Variants in GK5 observed in about 807,000 individuals in gnomAD.
The protein encoded by GK5 is glycerol kinase 5, also known as ATP:glycerol 3-phosphotransferase 5.
GK5 carries 39 observed loss-of-function variants against 77.3 expected under a neutral mutation model. That is an observed-to-expected ratio of 0.50 (90% confidence interval 0.39 to 0.66). The LOEUF is 0.66. GK5 is among the 30% of genes least tolerant of loss of function. The pLI is 0.00. For synonymous variants in GK5, 211 were observed against 208.0 expected (o/e 1.01, Z -0.13); for missense variants, 487 against 633.8 (o/e 0.77, Z 2.49).
intron 3 of GK5, among the ~76,000 whole-genome samples, chr3:142,213,178 C>G (rs2064219954): frequency 6.6e-6 from 1 of 152,132 alleles, no homozygotes; most frequent in Non-Finnish European, 1.5e-5. Flanking sequence ...AAATATAAAC[C>G]ATAGTACAGT....
In GK5 at chr3:142,158,964, C is replaced by T. The variant is rs776527240; in HGVS notation, c.*6658G>A. ...GTAAATATGTTCAAAATGCTATACA[C>T]ATTTTGCCTGGAAAGATTTAAAAAA... On this transcript the variant is annotated 3_prime_UTR_variant, in exon 16 of 16. Transcript: ENST00000392993. The T allele has an allele frequency of 6.6e-6, 1 of 152,172 alleles. No homozygotes were observed. Among genetic ancestry groups the T allele is most frequent in the Non-Finnish European group, 1.5e-5 (1 of 68,026 alleles). 9.4% of individuals were successfully genotyped at this position (152,172 alleles called of 1,614,324 possible).
At chr3:142,166,508 GATC>G (rs1176394891) in intron 15 of GK5, among the ~76,000 whole-genome samples, 1 of 151,960 alleles carries the variant, frequency 6.6e-6, no homozygotes, top group East Asian at 1.9e-4. Context: ...TTGAAGGAAG[GATC>G]ATATGATATA....
At chr3:142,216,524 C>G (rs1165418135) in intron 1 of GK5, among the ~76,000 whole-genome samples, 1 of 152,070 alleles carries the variant, frequency 6.6e-6, no homozygotes, top group Non-Finnish European at 1.5e-5. Context: ...AGGGTGTGGT[C>G]AACCCCTATG....
At position 142,225,535 on chromosome 3, in the gene GK5, C is replaced by A. The variant is rs1560244592; in HGVS notation, c.-80G>T. 8.0e-6 allele frequency: 12 copies of A among 1,494,358 alleles called. No individual in the cohort carries two copies. The highest frequency in any genetic ancestry group is 1.2e-5 in the South Asian group (1 of 81,198). 92.6% of individuals were successfully genotyped at this position (1,494,358 alleles called of 1,614,324 possible). The stretch of plus-strand genomic sequence containing the variant: ...ATCCCAATGCTCCAGAGTCCCCGGG[C>A]GGCCCAACCCGGGCCCCAACCCGGC... On this transcript the variant is annotated 5_prime_UTR_variant, in exon 1 of 16. Transcript: ENST00000392993.
At chr3:142,167,635 C>A (rs1306058160) in intron 15 of GK5, among the ~76,000 whole-genome samples, 1 of 152,200 alleles carries the variant, frequency 6.6e-6, no homozygotes, top group Non-Finnish European at 1.5e-5. Flanking sequence ...CATAGTCTCA[C>A]ATTTCTGAGA....
At chr3:142,182,262 G>C (rs985352568) in intron 10 of GK5, among the ~76,000 whole-genome samples, 6 of 151,892 alleles carry the variant, frequency 4.0e-5, no homozygotes, top group African/African-American at 1.5e-4. Context: ...CATTGCATTG[G>C]TCACTAGCTG....
chr3:142,174,734 C>T (rs1007001213), intron 12 of GK5, among the ~76,000 whole-genome samples: 1 of 152,192 alleles, frequency 6.6e-6, no homozygotes, highest in Non-Finnish European at 1.5e-5. Flanking sequence ...GTCCTAATGC[C>T]ATCACCACAA....
chr3:142,198,522 G>A (rs902276759), intron 5 of GK5, among the ~76,000 whole-genome samples: 1 of 152,174 alleles, frequency 6.6e-6, no homozygotes, highest in Admixed American at 6.5e-5. Flanking sequence ...GCTGTGGCAG[G>A]AGAATCACTT....
chr3:142,198,262 G>T (rs1404188984), intron 5 of GK5, among the ~76,000 whole-genome samples: 1 of 152,144 alleles, frequency 6.6e-6, no homozygotes, highest in Non-Finnish European at 1.5e-5. Context: ...ATTGCTATAT[G>T]TCAAAAACAT....
chr3:142,185,412 CAAAA>C (rs58554339), intron 9 of GK5: 559 of 723,660 alleles, frequency 7.7e-4, no homozygotes, highest in South Asian at 1.1e-3. Flanking sequence ...GACCCTGTCT[CAAAA>C]AAAAAAAAAA....
At position 142,164,431 on chromosome 3, in the gene GK5, G is replaced by A. The variant is rs1396609571; in HGVS notation, c.*1191C>T. 2.0e-5 allele frequency: 3 copies of A among 152,176 alleles called. No homozygotes were observed. Among genetic ancestry groups the A allele is most frequent in the Admixed American group, 6.5e-5 (1 of 15,268 alleles). 9.4% of individuals were successfully genotyped at this position (152,176 alleles called of 1,614,324 possible). On this transcript the variant is annotated 3_prime_UTR_variant, in exon 16 of 16. Coordinates refer to ENST00000392993, the MANE Select transcript of GK5 (RefSeq NM_001039547.3). ...TGGAAGGTGGGGTCAACTGCCTTAGGACAATTCTACATCCAGCTTGACACT... is the reference window on the plus strand; with the variant it reads ...TGGAAGGTGGGGTCAACTGCCTTAGAACAATTCTACATCCAGCTTGACACT...
At chr3:142,209,018 G>A (rs1008210331) in intron 3 of GK5, among the ~76,000 whole-genome samples, 7 of 152,026 alleles carry the variant, frequency 4.6e-5, no homozygotes, top group Admixed American at 1.3e-4. Flanking sequence ...GCGCGGTGGC[G>A]GGCACCTGTA....
intron 9 of GK5, chr3:142,185,128 A>G: frequency 1.0e-6 from 1 of 985,350 alleles, no homozygotes; most frequent in South Asian, 4.7e-5. Flanking sequence ...AAAATCAAAA[A>G]CAGGCTTGGC....
intron 14 of GK5, among the ~76,000 whole-genome samples, chr3:142,170,794 G>A (rs866720289): frequency 6.2e-5 from 7 of 112,126 alleles, no homozygotes; most frequent in Non-Finnish European, 1.1e-4. Context: ...CATGCCCAAA[G>A]GATATACACC....
intron 12 of GK5, among the ~76,000 whole-genome samples, chr3:142,174,641 G>C (rs1489667282): frequency 6.6e-6 from 1 of 152,202 alleles, no homozygotes; most frequent in Non-Finnish European, 1.5e-5. Flanking sequence ...GCAATCACAG[G>C]ACTTGCTGGC....
chr3:142,219,985 C>T (rs534099451), intron 1 of GK5, among the ~76,000 whole-genome samples: 1 of 152,170 alleles, frequency 6.6e-6, no homozygotes, highest in African/African-American at 2.4e-5. Flanking sequence ...AATCAATAAA[C>T]AAATTTCATA....
At chr3:142,186,888 C>T (rs915946271) in intron 6 of GK5, among the ~76,000 whole-genome samples, 2 of 152,130 alleles carry the variant, frequency 1.3e-5, no homozygotes, top group Non-Finnish European at 2.9e-5. Context: ...GCCTCAGCCT[C>T]CCAAAGTACT....
intron 9 of GK5, among the ~76,000 whole-genome samples, chr3:142,183,707 G>C (rs890479544): frequency 6.6e-6 from 1 of 151,760 alleles, no homozygotes; most frequent in Non-Finnish European, 1.5e-5. Flanking sequence ...TGATCCACCT[G>C]CCCCGGCCTC....
chr3:142,179,005 G>C (rs907675242), intron 11 of GK5, among the ~76,000 whole-genome samples: 1 of 152,132 alleles, frequency 6.6e-6, no homozygotes, highest in Non-Finnish European at 1.5e-5. Flanking sequence ...TTTCCCTGCT[G>C]ACTAATAAAG....
Sources: allele counts gnomAD v4.1 joint callset (sites outside exome capture counted in the v4.1 genomes callset), GRCh38; gene constraint gnomAD v4.1.1; transcripts MANE v1.5; gene names NCBI Gene and HGNC (gene_info 2026-07-23, HGNC 2026-07-21).